Variants in THADA observed in about 807,000 individuals in gnomAD.
THADA encodes the protein tRNA (32-2'-O)-methyltransferase regulator THADA.
THADA carries 213 observed loss-of-function variants against 219.8 expected under a neutral mutation model. The ratio of observed to expected loss-of-function variants is 0.97; its 90% confidence interval spans 0.87 to 1.09. The LOEUF (loss-of-function observed/expected upper bound fraction) is 1.09, where lower values mean the gene tolerates loss of function less well. THADA is among the 50% of genes least tolerant of loss of function. THADA has a pLI of 0.00. For synonymous variants in THADA, 1,018 were observed against 828.9 expected (o/e 1.23, Z -3.92); for missense variants, 2,956 against 2,311.3 (o/e 1.28, Z -5.72).
At chr2:43,378,752 C>T (rs1237364796) in intron 29 of THADA, among the ~76,000 whole-genome samples, 2 of 152,100 alleles carry the variant, frequency 1.3e-5, no homozygotes, top group Non-Finnish European at 2.9e-5. Context: ...ATTACAGGCA[C>T]CCAACACCAT....
At position 43,453,633 on chromosome 2, in the gene THADA, C is replaced by T. The variant is rs554768723; in HGVS notation, c.3837-23331G>A. Among the ~76,000 whole-genome samples, 5 of 152,210 alleles carry T rather than the reference C, an allele frequency of 3.3e-5. No homozygotes were observed. In the South Asian group the frequency reaches 6.2e-4, roughly 19 times the overall value. On this transcript the variant is annotated intron_variant, in intron 26 of 37. Coordinates refer to ENST00000405975, the MANE Select transcript of THADA (RefSeq NM_022065.5). ...GTCCTGTTTTTGGTTTTCTCACAAA[C>T]GCTGGTTTTTTAAAGTACTCTGAAG...
chr2:43,477,005 C>T (rs908621547), intron 26 of THADA, among the ~76,000 whole-genome samples: 7 of 152,042 alleles, frequency 4.6e-5, no homozygotes, highest in East Asian at 1.9e-4. Context: ...ATATGTAGGA[C>T]GCTATTTTAC....
At chr2:43,542,687 T>C (rs1201727249) in intron 20 of THADA, among the ~76,000 whole-genome samples, 2 of 152,144 alleles carry the variant, frequency 1.3e-5, no homozygotes, top group Non-Finnish European at 2.9e-5. Context: ...CAGCAGACAA[T>C]GAACCACATT....
chr2:43,327,993 G>A (rs1160410591), intron 30 of THADA, among the ~76,000 whole-genome samples: 2 of 152,042 alleles, frequency 1.3e-5, no homozygotes, highest in African/African-American at 4.8e-5. Flanking sequence ...CCTTATATTT[G>A]GCTATATCCT....
intron 7 of THADA, among the ~76,000 whole-genome samples, chr2:43,585,994 G>C (rs748627873): frequency 2.6e-5 from 4 of 152,106 alleles, no homozygotes; most frequent in African/African-American, 7.2e-5. Context: ...GCTGGGCATA[G>C]TGACTAACGC....
intron 36 of THADA, chr2:43,233,420 G>A (rs941207874): frequency 1.3e-5 from 2 of 152,510 alleles, no homozygotes; most frequent in African/African-American, 4.8e-5. Flanking sequence ...AAATGGTTGT[G>A]GCTGTGTTCC....
At chr2:43,402,135 C>T (rs1194169795) in intron 28 of THADA, among the ~76,000 whole-genome samples, 1 of 152,124 alleles carries the variant, frequency 6.6e-6, no homozygotes, top group Non-Finnish European at 1.5e-5. Context: ...TCCTGCTGCT[C>T]CTTTGCATAC....
intron 36 of THADA, among the ~76,000 whole-genome samples, chr2:43,235,245 G>A (rs1047763380): frequency 2.0e-5 from 3 of 151,878 alleles, no homozygotes; most frequent in South Asian, 2.1e-4. Context: ...CTTCCAATGC[G>A]CTGGGATTAC....
intron 31 of THADA, among the ~76,000 whole-genome samples, chr2:43,311,023 A>G (rs1677443706): frequency 1.3e-5 from 2 of 152,138 alleles, no homozygotes. Flanking sequence ...CTAAAAATAC[A>G]AAATTAGCCA....
In THADA at chr2:43,385,910, T is replaced by A. The variant is rs550154271; in HGVS notation, c.4227+12061A>T. Among the ~76,000 whole-genome samples, 7 of 151,960 alleles carry A rather than the reference T, an allele frequency of 4.6e-5. No individual in the cohort carries two copies. In the East Asian group the frequency reaches 1.3e-3, roughly 29 times the overall value. On this transcript the variant is annotated intron_variant, in intron 29 of 37. Coordinates refer to ENST00000405975, the MANE Select transcript of THADA (RefSeq NM_022065.5). ...AACTCCAAACAAATAATCTTAGACC[T>A]TTTTAGAAATATGATTCTCAGGAAG...
At chr2:43,551,731 A>T in intron 19 of THADA, 58 bp downstream of exon 19, 1 of 1,424,198 alleles carries the variant, frequency 7.0e-7, no homozygotes, top group Non-Finnish European at 9.3e-7. Context: ...AAAAAAAAAG[A>T]GGTAAAGACA....
rs1306539079 is a variant in THADA at position 43,399,887 on chromosome 2, C to A, written c.4059-1748G>T. The stretch of plus-strand genomic sequence containing the variant: ...TTCATTTGACCAAAAAACAAAAAAA[C>A]AAAAAAACAAAAAACAACTCTGAAA... On this transcript the variant is annotated intron_variant, in intron 28 of 37. Coordinates refer to ENST00000405975, the MANE Select transcript of THADA (RefSeq NM_022065.5). 2.0e-5 allele frequency among the ~76,000 whole-genome samples: 3 copies of A among 149,258 alleles called. No individual in the cohort carries two copies. In the East Asian group the frequency reaches 6.3e-4, roughly 31 times the overall value.
chr2:43,545,840 A>C (rs1010742316), intron 20 of THADA, among the ~76,000 whole-genome samples: 37 of 152,120 alleles, frequency 2.4e-4, no homozygotes, highest in African/African-American at 8.7e-4. Flanking sequence ...GGATTCATTA[A>C]TTTTTTGAAG....
chr2:43,396,785 T>C (rs979463682), intron 29 of THADA, among the ~76,000 whole-genome samples: 1 of 151,606 alleles, frequency 6.6e-6, no homozygotes, highest in African/African-American at 2.4e-5. Context: ...CACTCCTGCC[T>C]GGGAAACAGT....
chr2:43,463,720 A>G (rs1376494345), intron 26 of THADA, among the ~76,000 whole-genome samples: 1 of 150,216 alleles, frequency 6.7e-6, no homozygotes, highest in African/African-American at 2.5e-5. Flanking sequence ...ATGGTGCACC[A>G]CGATCTTTTC....
intron 29 of THADA, chr2:43,372,217 T>C (rs1670889558): frequency 6.6e-6 from 1 of 152,164 alleles, no homozygotes; most frequent in African/African-American, 2.4e-5. Context: ...GAGAAATCTA[T>C]TCAAACAAAA....
At chr2:43,464,319 T>TAA (rs66515632) in intron 26 of THADA, among the ~76,000 whole-genome samples, 1 of 149,232 alleles carries the variant, frequency 6.7e-6, no homozygotes, top group Non-Finnish European at 1.5e-5. Context: ...ACAAGTAACT[T>TAA]AAAAAAAAAA....
chr2:43,425,275 G>A (rs1194569641), intron 28 of THADA, among the ~76,000 whole-genome samples: 1 of 152,040 alleles, frequency 6.6e-6, no homozygotes, highest in Non-Finnish European at 1.5e-5. Context: ...TCAATACTTG[G>A]CAGAAAGACG....
chr2:43,283,094 G>A (rs1239628280), intron 35 of THADA, among the ~76,000 whole-genome samples: 2 of 152,198 alleles, frequency 1.3e-5, no homozygotes, highest in Non-Finnish European at 2.9e-5. Flanking sequence ...TTAAAAGTGT[G>A]TGGCACTTCT....
Sources: allele counts gnomAD v4.1 joint callset (sites outside exome capture counted in the v4.1 genomes callset), GRCh38; gene constraint gnomAD v4.1.1; transcripts MANE v1.5; gene names NCBI Gene and HGNC (gene_info 2026-07-23, HGNC 2026-07-21).